Variants in ADAMTS3 observed in about 807,000 individuals in gnomAD.
ADAMTS3 encodes A disintegrin and metalloproteinase with thrombospondin motifs 3.
In ADAMTS3, 73 loss-of-function variants were observed where a neutral mutation model predicts 129.0. The ratio of observed to expected loss-of-function variants is 0.57; its 90% CI spans 0.47 to 0.69. The LOEUF is 0.69. ADAMTS3 is among the 30% of genes least tolerant of loss of function. The pLI is 0.00. For synonymous variants in ADAMTS3, 477 were observed against 510.8 expected (o/e 0.93, Z 0.89); for missense variants, 1,457 against 1,514.5 (o/e 0.96, Z 0.63).
At chr4:72,376,395 A>G (rs941757727) in intron 4 of ADAMTS3, among the ~76,000 whole-genome samples, 1 of 152,154 alleles carries the variant, frequency 6.6e-6, no homozygotes, top group Non-Finnish European at 1.5e-5. Flanking sequence ...CACAGACTAC[A>G]CACAATTGTT....
At chr4:72,549,967 AGAAGAAGAAGAAGAAGAAG>A in intron 2 of ADAMTS3, among the ~76,000 whole-genome samples, 1 of 65,014 alleles carries the variant, frequency 1.5e-5, no homozygotes, top group African/African-American at 7.5e-5. Flanking sequence ...AAAAAAAAGA[AGAAGAAGAAGAAGAAGAAG>A]AAGAAGAGGA....
At chr4:72,325,349 T>C (rs1719672320) in intron 5 of ADAMTS3, among the ~76,000 whole-genome samples, 1 of 152,126 alleles carries the variant, frequency 6.6e-6, no homozygotes, top group South Asian at 2.1e-4. Flanking sequence ...GAAAAGTGAA[T>C]CAAATCTTCC....
chr4:72,423,652 T>C (rs945807186), intron 3 of ADAMTS3, among the ~76,000 whole-genome samples: 3 of 152,126 alleles, frequency 2.0e-5, no homozygotes, highest in Non-Finnish European at 4.4e-5. Flanking sequence ...GGTTTTACTA[T>C]ATGCAGATGA....
chr4:72,442,490 G>A (rs1376927950), intron 3 of ADAMTS3, among the ~76,000 whole-genome samples: 1 of 151,636 alleles, frequency 6.6e-6, no homozygotes, highest in Admixed American at 6.6e-5. Context: ...AGCAAGGCAG[G>A]AGGAAGGTGC....
chr4:72,313,861 A>G (rs1321248690), intron 11 of ADAMTS3, 39 bp from the exon 12 acceptor site: 2 of 1,611,276 alleles, frequency 1.2e-6, no homozygotes, highest in South Asian at 2.2e-5. Flanking sequence ...AAAATCACGC[A>G]TACACTAAAG....
At chr4:72,398,962 T>C (rs1323161450) in intron 4 of ADAMTS3, among the ~76,000 whole-genome samples, 1 of 152,240 alleles carries the variant, frequency 6.6e-6, no homozygotes, top group Admixed American at 6.5e-5. Flanking sequence ...CTTGTAATTT[T>C]CATCTACAAA....
At chr4:72,325,402 C>T (rs976930631) in intron 5 of ADAMTS3, among the ~76,000 whole-genome samples, 26 of 152,122 alleles carry the variant, frequency 1.7e-4, no homozygotes, top group Non-Finnish European at 3.1e-4. Flanking sequence ...ATATTCCTAA[C>T]TTTATAGTTG....
intron 3 of ADAMTS3, among the ~76,000 whole-genome samples, chr4:72,526,525 AAC>A (rs1311888575): frequency 8.7e-5 from 13 of 149,902 alleles, no homozygotes; most frequent in East Asian, 5.9e-4. Context: ...ATACATATAA[AAC>A]AGTCTACTAA....
chr4:72,567,345 T>C (rs761075487), intron 2 of ADAMTS3, 29 bp downstream of exon 2: 1 of 1,603,124 alleles, frequency 6.2e-7, no homozygotes, highest in South Asian at 1.1e-5. Flanking sequence ...CAACTTAAGA[T>C]AAGAGTGACA....
intron 3 of ADAMTS3, among the ~76,000 whole-genome samples, chr4:72,519,701 G>A (rs1720605824): frequency 6.6e-6 from 1 of 152,050 alleles, no homozygotes; most frequent in African/African-American, 2.4e-5. Context: ...GCTCCTTTAA[G>A]CACTTCTCTG....
chr4:72,483,713 C>G (rs1026185208), intron 3 of ADAMTS3, among the ~76,000 whole-genome samples: 4 of 152,108 alleles, frequency 2.6e-5, no homozygotes, highest in Non-Finnish European at 5.9e-5. Flanking sequence ...AAAGAATACC[C>G]AAACCTTCAT....
chr4:72,477,386 C>A (rs1719269108), intron 3 of ADAMTS3, among the ~76,000 whole-genome samples: 1 of 152,144 alleles, frequency 6.6e-6, no homozygotes, highest in Admixed American at 6.5e-5. Flanking sequence ...GATTAAGAAA[C>A]TCACTCAAAA....
At chr4:72,451,697 A>C (rs1329595493) in intron 3 of ADAMTS3, among the ~76,000 whole-genome samples, 1 of 151,838 alleles carries the variant, frequency 6.6e-6, no homozygotes, top group Admixed American at 6.6e-5. Flanking sequence ...TATATCTCTG[A>C]CAAGATTTTT....
At chr4:72,313,399 C>G (rs1719298858) in intron 12 of ADAMTS3, among the ~76,000 whole-genome samples, 1 of 152,170 alleles carries the variant, frequency 6.6e-6, no homozygotes, top group Admixed American at 6.5e-5. Flanking sequence ...CCTTAGGGCA[C>G]AGTGACCTAC....
chr4:72,449,601 C>T (rs962467642), intron 3 of ADAMTS3, among the ~76,000 whole-genome samples: 16 of 151,796 alleles, frequency 1.1e-4, no homozygotes, highest in Non-Finnish European at 2.1e-4. Context: ...CCTGCCCATC[C>T]TCTATTCCAT....
At chr4:72,407,234 C>T (rs550760487) in intron 4 of ADAMTS3, among the ~76,000 whole-genome samples, 1 of 152,000 alleles carries the variant, frequency 6.6e-6, no homozygotes, top group South Asian at 2.1e-4. Flanking sequence ...TACTGGCTTT[C>T]CCTATATGTT....
chr4:72,301,021 G>A (rs1718937077), intron 17 of ADAMTS3, among the ~76,000 whole-genome samples: 2 of 152,140 alleles, frequency 1.3e-5, no homozygotes, highest in African/African-American at 2.4e-5. Context: ...GAAACTATAA[G>A]TATTGCTTGT....
At chr4:72,459,754 C>G (rs1284017532) in intron 3 of ADAMTS3, among the ~76,000 whole-genome samples, 1 of 151,496 alleles carries the variant, frequency 6.6e-6, no homozygotes, top group East Asian at 1.9e-4. Flanking sequence ...ATCTGAAATG[C>G]TTGGAACCAG....
intron 16 of ADAMTS3, among the ~76,000 whole-genome samples, chr4:72,304,423 A>G (rs973152323): frequency 6.6e-6 from 1 of 152,162 alleles, no homozygotes; most frequent in Non-Finnish European, 1.5e-5. Context: ...TATCTTGAAA[A>G]TGATAGCTAC....
Sources: allele counts gnomAD v4.1 joint callset (sites outside exome capture counted in the v4.1 genomes callset), GRCh38; gene constraint gnomAD v4.1.1; transcripts MANE v1.5; gene names NCBI Gene and HGNC (gene_info 2026-07-23, HGNC 2026-07-21).